Variants in KCNH8 observed in about 807,000 individuals in gnomAD.
KCNH8 encodes voltage-gated delayed rectifier potassium channel KCNH8.
A neutral mutation model predicts 103.6 loss-of-function variants in KCNH8; 70 were observed. That is an observed-to-expected ratio of 0.68 (90% confidence interval 0.56 to 0.82). KCNH8 has a LOEUF of 0.82. Among genes scored for constraint, KCNH8 ranks in the 40% least tolerant of loss-of-function variants. The pLI is 0.00. For missense variants in KCNH8, 1,217 were observed against 1,329.9 expected (o/e 0.92, Z 1.32); for synonymous variants, 498 against 489.4 (o/e 1.02, Z -0.23).
At chr3:19,506,358 A>T (rs2068692813) in intron 11 of KCNH8, among the ~76,000 whole-genome samples, 1 of 152,192 alleles carries the variant, frequency 6.6e-6, no homozygotes, top group South Asian at 2.1e-4. Flanking sequence ...CAGAGGGCCA[A>T]GGCTTTGTGC....
Position 19,390,982 on chromosome 3 carries a change from A to G in KCNH8, c.969+344A>G, listed in dbSNP as rs949378693. Among the ~76,000 whole-genome samples the G allele has an allele frequency of 3.3e-5, 5 of 152,254 alleles. No homozygotes were observed. The East Asian group carries it at 9.7e-4, about 29-fold the overall frequency. On this transcript the variant is annotated intron_variant, in intron 6 of 15. Coordinates refer to ENST00000328405, the MANE Select transcript of KCNH8 (RefSeq NM_144633.3). Reference sequence around the variant, plus strand: ...TATTACCTAGGCAGATACATGTGTCAAGAATTTGCTAGAGAGTTTGAAGAT... The same window carrying G: ...TATTACCTAGGCAGATACATGTGTCGAGAATTTGCTAGAGAGTTTGAAGAT...
chr3:19,153,798 A>AT (rs910829569), intron 1 of KCNH8, among the ~76,000 whole-genome samples: 4 of 151,300 alleles, frequency 2.6e-5, no homozygotes, highest in African/African-American at 9.7e-5. Flanking sequence ...CGCCTGGCTA[A>AT]TTTTTTTGCA....
intron 1 of KCNH8, among the ~76,000 whole-genome samples, chr3:19,216,923 T>C (rs550939363): frequency 6.6e-6 from 1 of 152,292 alleles, no homozygotes; most frequent in Admixed American, 6.5e-5. Flanking sequence ...AGAGATCAGG[T>C]TGAGCAATAT....
rs981522107 is a variant in KCNH8 at position 19,250,328 on chromosome 3, A to G, written c.77-3326A>G. On this transcript the variant is annotated intron_variant, in intron 1 of 15. Coordinates refer to ENST00000328405, the MANE Select transcript of KCNH8 (RefSeq NM_144633.3). The stretch of plus-strand genomic sequence containing the variant: ...AAAAATTAAGTTGGTAAAAAACCCA[A>G]TGTAATATACTTATAATAATAAAAG... Among the ~76,000 whole-genome samples, 6 of 152,178 alleles carry G rather than the reference A, an allele frequency of 3.9e-5. 1 individual carries two copies. The highest frequency in any genetic ancestry group is 8.8e-5 in the Non-Finnish European group (6 of 68,040).
At chr3:19,378,201 A>T (rs190814964) in intron 5 of KCNH8, among the ~76,000 whole-genome samples, 1 of 152,308 alleles carries the variant, frequency 6.6e-6, no homozygotes, top group East Asian at 1.9e-4. Context: ...GCACAATTTT[A>T]TGGGCAAACC....
intron 1 of KCNH8, among the ~76,000 whole-genome samples, chr3:19,219,338 A>G (rs978622200): frequency 9.9e-5 from 15 of 152,022 alleles, no homozygotes; most frequent in African/African-American, 3.4e-4. Flanking sequence ...TCTTTTTTCC[A>G]TAGTATTTAT....
intron 2 of KCNH8, among the ~76,000 whole-genome samples, chr3:19,260,500 AT>A (rs1299144415): frequency 2.9e-5 from 3 of 103,784 alleles, no homozygotes; most frequent in African/African-American, 1.4e-4. Context: ...ATATATATAT[AT>A]ATATATATAT....
At chr3:19,321,733 GT>G (rs2065353016) in intron 3 of KCNH8, among the ~76,000 whole-genome samples, 2 of 151,808 alleles carry the variant, frequency 1.3e-5, no homozygotes, top group Admixed American at 6.6e-5. Flanking sequence ...TGGTTTCTTT[GT>G]TGACTTTCTG....
chr3:19,311,524 A>G (rs553114889), intron 3 of KCNH8, among the ~76,000 whole-genome samples: 1 of 151,680 alleles, frequency 6.6e-6, no homozygotes, highest in Non-Finnish European at 1.5e-5. Flanking sequence ...TACTGTGTGT[A>G]TGTCATAGAC....
chr3:19,208,185 C>A (rs964501358), intron 1 of KCNH8, among the ~76,000 whole-genome samples: 1 of 151,968 alleles, frequency 6.6e-6, no homozygotes, highest in Non-Finnish European at 1.5e-5. Context: ...TAGTCATGTA[C>A]TCTTCTTGTC....
intron 11 of KCNH8, among the ~76,000 whole-genome samples, chr3:19,488,843 G>A (rs2125222080): frequency 6.6e-6 from 1 of 152,170 alleles, no homozygotes; most frequent in African/African-American, 2.4e-5. Flanking sequence ...CCTTTTATTT[G>A]TATTAAAGAG....
rs866569424 is a variant in KCNH8, at chr3:19,448,951, A to G, written c.1376-1155A>G. On this transcript the variant is annotated intron_variant, in intron 8 of 15. Transcript: ENST00000328405. ...AGTTTCACAGTTCCAGGTGTGTCCA[A>G]GGCCTTCTTGGATTATCTGCTGGTT... 23 of 1,285,278 alleles carry G rather than the reference A, an allele frequency of 1.8e-5. No individual in the cohort carries two copies. In the African/African-American group the frequency reaches 3.0e-4, roughly 17 times the overall value. The allele number at this position is 1,285,278 out of a possible 1,614,324, so 79.6% of individuals were successfully genotyped here.
chr3:19,464,575 C>G (rs746774696), intron 11 of KCNH8, among the ~76,000 whole-genome samples: 2 of 151,784 alleles, frequency 1.3e-5, no homozygotes, highest in Non-Finnish European at 2.9e-5. Flanking sequence ...ACAGCAGTAA[C>G]AGAATAAAAA....
At chr3:19,357,777 C>A (rs1646688480) in intron 5 of KCNH8, among the ~76,000 whole-genome samples, 1 of 151,580 alleles carries the variant, frequency 6.6e-6, no homozygotes, top group Non-Finnish European at 1.5e-5. Flanking sequence ...TTTATATTTA[C>A]CTTAGTCAAA....
intron 11 of KCNH8, among the ~76,000 whole-genome samples, chr3:19,485,995 C>CT (rs2064045863): frequency 6.6e-6 from 1 of 151,946 alleles, no homozygotes; most frequent in Admixed American, 6.6e-5. Context: ...TTACTGAGTT[C>CT]TAGAATCTGA....
intron 3 of KCNH8, among the ~76,000 whole-genome samples, chr3:19,287,271 AT>A (rs1467237567): frequency 6.6e-6 from 1 of 152,190 alleles, no homozygotes; most frequent in Non-Finnish European, 1.5e-5. Flanking sequence ...ATGGTGAGAC[AT>A]TAGAGAAAAA....
chr3:19,473,516 C>T (rs2067906762), intron 11 of KCNH8, among the ~76,000 whole-genome samples: 1 of 152,148 alleles, frequency 6.6e-6, no homozygotes, highest in Non-Finnish European at 1.5e-5. Context: ...ATATGTTTTT[C>T]AGTCTGCTAT....
At chr3:19,405,145 A>G (rs1035430644) in intron 7 of KCNH8, among the ~76,000 whole-genome samples, 1 of 151,908 alleles carries the variant, frequency 6.6e-6, no homozygotes, top group African/African-American at 2.4e-5. Flanking sequence ...AGTTCATGGC[A>G]TTTAATCTCC....
intron 11 of KCNH8, 23 bp downstream of exon 11, chr3:19,457,005 G>T: frequency 6.7e-7 from 1 of 1,490,906 alleles, no homozygotes; most frequent in Non-Finnish European, 9.3e-7. Context: ...TCTAATTAGT[G>T]CTAAGACCTA....
Sources: gnomAD v4.1 joint callset for allele counts (sites outside exome capture counted in the v4.1 genomes callset) on GRCh38, gnomAD v4.1.1 for gene constraint, MANE v1.5 for transcripts, NCBI Gene and HGNC (gene_info 2026-07-23, HGNC 2026-07-21) for gene names.